The following MBD5 variants were observed in gnomAD, a reference collection of about 807,000 sequenced individuals.
MBD5 encodes methyl-CpG-binding domain protein 5.
Under a neutral mutation model 117.3 loss-of-function variants are expected in MBD5, and 13 were observed. That is an observed-to-expected ratio of 0.11 (90% CI 0.07 to 0.18). MBD5 has a LOEUF of 0.18. Ranked by LOEUF, MBD5 falls within the 10% of genes least tolerant of loss-of-function variation. The pLI is 1.00. For missense variants in MBD5, 1,879 were observed against 2,093.8 expected, an observed-to-expected ratio of 0.90 and a Z score of 2.00; for synonymous variants, 727 against 766.4, an observed-to-expected ratio of 0.95 and a Z score of 0.85.
At chr2:148,310,840 A>G (rs761353042) in intron 3 of MBD5, among the ~76,000 whole-genome samples, 3 of 152,040 alleles carry the variant, frequency 2.0e-5, no homozygotes, top group Non-Finnish European at 2.9e-5. Flanking sequence ...ATTCTGGTAC[A>G]TTGTGTTTTT....
chr2:148,293,294 T>C (rs1701545900), intron 3 of MBD5, among the ~76,000 whole-genome samples: 1 of 151,812 alleles, frequency 6.6e-6, no homozygotes, highest in Non-Finnish European at 1.5e-5. Context: ...GTACAAAAAC[T>C]ATAAAGAAGG....
chr2:148,317,282 T>C (rs1321421622), intron 3 of MBD5, among the ~76,000 whole-genome samples: 1 of 151,854 alleles, frequency 6.6e-6, no homozygotes, highest in Non-Finnish European at 1.5e-5. Flanking sequence ...GGCAGGAGAA[T>C]CACTTGAACC....
At chr2:148,150,807 G>C (rs1232883511) in intron 1 of MBD5, among the ~76,000 whole-genome samples, 1 of 152,174 alleles carries the variant, frequency 6.6e-6, no homozygotes, top group Non-Finnish European at 1.5e-5. Flanking sequence ...CTGAGACTTT[G>C]CTGAAGTTGC....
chr2:148,304,111 T>C (rs1263991875), intron 3 of MBD5, among the ~76,000 whole-genome samples: 1 of 152,120 alleles, frequency 6.6e-6, no homozygotes, highest in African/African-American at 2.4e-5. Flanking sequence ...GTCTGAAATC[T>C]CAGGAAAGAT....
At chr2:148,386,963 A>G (rs1281072858) in intron 4 of MBD5, among the ~76,000 whole-genome samples, 1 of 152,152 alleles carries the variant, frequency 6.6e-6, no homozygotes, top group African/African-American at 2.4e-5. Context: ...ACATGGCTGT[A>G]ACTGACCCCT....
chr2:148,447,178 GGAAAGAAA>G (rs70995316), intron 4 of MBD5, among the ~76,000 whole-genome samples: 316 of 137,742 alleles, frequency 2.3e-3, no homozygotes, highest in African/African-American at 8.2e-3. Context: ...AAAGGAAGAA[GGAAAGAAA>G]GAAAGAAAGA....
intron 3 of MBD5, among the ~76,000 whole-genome samples, chr2:148,294,588 C>T (rs1407670383): frequency 7.7e-5 from 11 of 142,568 alleles, no homozygotes; most frequent in African/African-American, 2.9e-4. Flanking sequence ...CTGCAACCTC[C>T]ACCTCCCGGG....
At chr2:148,238,882 C>T (rs1046583236) in intron 3 of MBD5, among the ~76,000 whole-genome samples, 15 of 152,082 alleles carry the variant, frequency 9.9e-5, no homozygotes, top group South Asian at 4.1e-4. Context: ...AGTACGACCT[C>T]ATCTTAATTA....
chr2:148,398,658 T>A (rs1704815605), intron 4 of MBD5, among the ~76,000 whole-genome samples: 1 of 152,202 alleles, frequency 6.6e-6, no homozygotes, highest in African/African-American at 2.4e-5. Context: ...TTAGTTTAAT[T>A]AGATCCCATT....
chr2:148,026,480 G>C (rs760650456), intron 1 of MBD5: 1 of 152,052 alleles, frequency 6.6e-6, no homozygotes, highest in African/African-American at 2.4e-5. Flanking sequence ...AATGACATTT[G>C]GGAACTGCTC....
At chr2:148,363,506 T>A (rs773244200) in intron 4 of MBD5, among the ~76,000 whole-genome samples, 11 of 152,132 alleles carry the variant, frequency 7.2e-5, no homozygotes, top group Non-Finnish European at 1.2e-4. Flanking sequence ...GTGCTGGGAT[T>A]ACAGGCATGA....
At chr2:148,149,628 C>T (rs1449896384) in intron 1 of MBD5, among the ~76,000 whole-genome samples, 1 of 151,844 alleles carries the variant, frequency 6.6e-6, no homozygotes, top group African/African-American at 2.4e-5. Context: ...TAATGATCGC[C>T]ATTCTAACTG....
intron 4 of MBD5, among the ~76,000 whole-genome samples, chr2:148,343,593 A>G (rs1003970560): frequency 6.6e-6 from 1 of 151,944 alleles, no homozygotes; most frequent in African/African-American, 2.4e-5. Context: ...GTGTCTGTTC[A>G]TGTCTTTTGC....
chr2:148,212,105 A>G (rs942443724), intron 2 of MBD5, among the ~76,000 whole-genome samples: 1 of 152,192 alleles, frequency 6.6e-6, no homozygotes, highest in Non-Finnish European at 1.5e-5. Context: ...TTCATGTCAT[A>G]AAGTTGAAAA....
intron 4 of MBD5, among the ~76,000 whole-genome samples, chr2:148,364,845 G>A (rs1344594682): frequency 6.6e-6 from 1 of 152,140 alleles, no homozygotes; most frequent in East Asian, 1.9e-4. Context: ...CATAAAGCAA[G>A]TTCTTAGAGA....
chr2:148,209,523 CT>C (rs562857871), intron 2 of MBD5, among the ~76,000 whole-genome samples: 519 of 143,492 alleles, frequency 3.6e-3, no homozygotes, highest in African/African-American at 6.7e-3. Context: ...TTTTTTCTTT[CT>C]TTTTTTTTTT....
At chr2:148,324,397 G>T (rs535209109) in intron 3 of MBD5, among the ~76,000 whole-genome samples, 62 of 152,244 alleles carry the variant, frequency 4.1e-4, no homozygotes, top group African/African-American at 1.4e-3. Context: ...GCTTGATGGG[G>T]ATGGCATTGA....
chr2:148,433,573 T>G lies in MBD5; in HGVS notation c.-556-24630T>G, dbSNP rs538818824. On this transcript the variant is annotated intron_variant, in intron 4 of 13. Transcript: ENST00000642680. ...TTTTAATATGGAGAGAAGTTGAATT[T>G]TATTAAAAGCCTTTTCTGCATCTAT... Among the ~76,000 whole-genome samples the G allele has an allele frequency of 9.2e-5, 14 of 152,324 alleles. No homozygotes were observed. The South Asian group carries it at 1.0e-3, about 11-fold the overall frequency.
intron 3 of MBD5, among the ~76,000 whole-genome samples, chr2:148,291,074 T>C (rs1239437518): frequency 6.6e-6 from 1 of 152,206 alleles, no homozygotes; most frequent in Non-Finnish European, 1.5e-5. Context: ...TATCTTTTTG[T>C]AGGTACCACA....
Sources: allele counts gnomAD v4.1 joint callset (sites outside exome capture counted in the v4.1 genomes callset), GRCh38; gene constraint gnomAD v4.1.1; transcripts MANE v1.5; gene names NCBI Gene and HGNC (gene_info 2026-07-23, HGNC 2026-07-21).